Variants in WASHC4 observed in about 807,000 individuals in gnomAD.
WASHC4 encodes WASH complex subunit 7.
In WASHC4, 86 loss-of-function variants were observed where a neutral mutation model predicts 166.6. The ratio of observed to expected loss-of-function variants is 0.52; its 90% CI spans 0.43 to 0.62. WASHC4 has a LOEUF of 0.62. Ranked by LOEUF, WASHC4 falls within the 20% of genes least tolerant of loss-of-function variation. The probability of loss-of-function intolerance (pLI) is 0.00; values close to 1 mark genes in which losing one functional copy is unlikely to be tolerated. For synonymous variants in WASHC4, 446 were observed against 451.6 expected (o/e 0.99, Z 0.16); for missense variants, 1,262 against 1,382.4 (o/e 0.91, Z 1.38).
At chr12:105,120,627 C>T in intron 8 of WASHC4, 30 bp downstream of exon 8, 1 of 1,493,706 alleles carries the variant, frequency 6.7e-7, no homozygotes, top group South Asian at 1.1e-5. Flanking sequence ...ACCTGTAAAA[C>T]TGTAATTATT....
At chr12:105,157,898 T>A (rs1884274257) in intron 28 of WASHC4, among the ~76,000 whole-genome samples, 1 of 152,174 alleles carries the variant, frequency 6.6e-6, no homozygotes, top group Non-Finnish European at 1.5e-5. Flanking sequence ...AGTTGTGCAT[T>A]TGTCCCATAA....
At chr12:105,134,026 G>C in intron 14 of WASHC4, 130 bp downstream of exon 14, 1 of 793,724 alleles carries the variant, frequency 1.3e-6, no homozygotes, top group Non-Finnish European at 2.0e-6. Flanking sequence ...GTTATGTTGG[G>C]ATCTGTGTGA....
rs1883304428 is a variant in WASHC4, at chr12:105,146,453, G to T, written c.2336G>T (p.Gly779Val). ...ACTTGTATGTGTATTATGTTGTAGGGCCTTGATGTTTTAGAAATTATGAGA... is the reference window on the plus strand; with the variant it reads ...ACTTGTATGTGTATTATGTTGTAGGTCCTTGATGTTTTAGAAATTATGAGA... ...AHLPSQTLEQ[G>V]LDVLEIMRNI... The change falls in exon 23 of 33, where the codon GGC (glycine) becomes GTC (valine). Residue 779 changes from glycine (G) to valine (V), a missense_variant and splice_region_variant. By Grantham distance (109) the Gly-to-Val change is moderately radical (BLOSUM62 -3). Transcript: ENST00000332180. 3.2e-6 allele frequency: 5 copies of T among 1,554,324 alleles called. No individual in the cohort carries two copies. The highest frequency in any genetic ancestry group is 1.7e-4 in the Middle Eastern group (1 of 5,938).
intron 32 of WASHC4, among the ~76,000 whole-genome samples, chr12:105,166,366 A>T (rs1884805330): frequency 3.3e-5 from 5 of 152,170 alleles, no homozygotes; most frequent in Admixed American, 3.3e-4. Context: ...AATTATTTTA[A>T]GAAATAATAT....
intron 25 of WASHC4, among the ~76,000 whole-genome samples, chr12:105,151,070 A>G (rs548308840): frequency 7.0e-6 from 1 of 143,134 alleles, no homozygotes; most frequent in South Asian, 2.4e-4. Context: ...ACTTGAACCT[A>G]GGAGGTGGAG....
chr12:105,133,683 C>A, intron 13 of WASHC4, 87 bp from the exon 14 acceptor site: 1 of 1,097,626 alleles, frequency 9.1e-7, no homozygotes, highest in Non-Finnish European at 1.4e-6. Flanking sequence ...GAAATGACTG[C>A]TGCAGGGAAA....
rs1879959566 is a variant in WASHC4 at position 105,114,233 on chromosome 12, G to A, written c.219G>A (p.Gln73=). 1 of 1,610,356 alleles carries A rather than the reference G, an allele frequency of 6.2e-7. No homozygotes were observed. The highest frequency in any genetic ancestry group is 8.5e-7 in the Non-Finnish European group (1 of 1,177,766). Residue 73 remains glutamine (Q), a synonymous_variant, in exon 3 of 33, where the codon CAG becomes CAA. Coordinates refer to ENST00000332180, the MANE Select transcript of WASHC4 (RefSeq NM_015275.3). ...PIALKLLPYE[Q]SSLLELIKTE... ...TTCTGTAGCTTTTGCCTTATGAACA[G>A]TCCTCTCTTTTGGAACTCATAAAGA...
At chr12:105,126,207 G>T in intron 11 of WASHC4, 28 bp from the exon 12 acceptor site, 2 of 1,612,404 alleles carry the variant, frequency 1.2e-6, no homozygotes, top group Non-Finnish European at 1.7e-6. Context: ...TATTTGTTCT[G>T]CTTTCTCTTA....
At chr12:105,109,063 C>G (rs1211277) in intron 1 of WASHC4, among the ~76,000 whole-genome samples, 133,758 of 152,248 alleles carry the variant, frequency 0.88, 59,043 homozygotes, top group East Asian at 1. Context: ...TTGAACCCGG[C>G]AGGCGGAGGT....
At chr12:105,128,611 C>T (rs996561145) in intron 13 of WASHC4, among the ~76,000 whole-genome samples, 2 of 152,134 alleles carry the variant, frequency 1.3e-5, no homozygotes, top group Admixed American at 6.5e-5. Flanking sequence ...TGGAAATGCT[C>T]ATTGGAGCAT....
chr12:105,112,100 T>C (rs1879733487), intron 2 of WASHC4, among the ~76,000 whole-genome samples: 2 of 152,172 alleles, frequency 1.3e-5, no homozygotes, highest in South Asian at 4.1e-4. Flanking sequence ...AATCTACTTT[T>C]TATCTCTATG....
At chr12:105,111,291 T>G in intron 2 of WASHC4, 27 bp downstream of exon 2, 1 of 1,474,132 alleles carries the variant, frequency 6.8e-7, no homozygotes, top group Non-Finnish European at 9.4e-7. Flanking sequence ...TAAAAATATA[T>G]GTATATATTT....
At position 105,159,915 on chromosome 12, in the gene WASHC4, G is replaced by A. The variant is rs1884389590; in HGVS notation, c.2913-86G>A. ...TTACAGTGTTTCCTGCTTTTCAAGTGTTCTTATCTAAACTATTGAGAGATG... is the reference window on the plus strand; with the variant it reads ...TTACAGTGTTTCCTGCTTTTCAAGTATTCTTATCTAAACTATTGAGAGATG... On this transcript the variant is annotated intron_variant, in intron 28 of 32. Transcript: ENST00000332180. 9 of 1,232,210 alleles carry A rather than the reference G, an allele frequency of 7.3e-6. No individual in the cohort carries two copies. In the South Asian group the frequency reaches 9.9e-5, roughly 13 times the overall value. The allele number at this position is 1,232,210 out of a possible 1,614,324, so 76.3% of individuals were successfully genotyped here.
rs1338836767 is a variant in WASHC4, at chr12:105,141,154, CT to C, written c.1708-12del. 3.7e-6 allele frequency: 6 copies of C among 1,611,948 alleles called. No individual in the cohort carries two copies. Among genetic ancestry groups the C allele is most frequent in the Non-Finnish European group, 5.1e-6 (6 of 1,178,226 alleles). The stretch of plus-strand genomic sequence containing the variant: ...ACTGCAACTTCTCTGCCTTTTTTTC[CT>C]GTCCCTGATAGAAAACATTTAAAGA... On this transcript the variant is annotated splice_polypyrimidine_tract_variant and intron_variant, in intron 17 of 32. Transcript: ENST00000332180.
intron 13 of WASHC4, among the ~76,000 whole-genome samples, chr12:105,129,168 A>T (rs1881564278): frequency 6.6e-6 from 1 of 151,716 alleles, no homozygotes; most frequent in African/African-American, 2.4e-5. Flanking sequence ...CTGGTCTCGA[A>T]CTCCTGACCT....
At chr12:105,154,629 A>G (rs890678616) in intron 26 of WASHC4, among the ~76,000 whole-genome samples, 1 of 152,194 alleles carries the variant, frequency 6.6e-6, no homozygotes, top group African/African-American at 2.4e-5. Flanking sequence ...TGCTGATGAT[A>G]TTTATGACAG....
intron 1 of WASHC4, among the ~76,000 whole-genome samples, chr12:105,109,230 T>G (rs1264217376): frequency 6.6e-6 from 1 of 152,182 alleles, no homozygotes; most frequent in African/African-American, 2.4e-5. Context: ...GAACTGTACC[T>G]TGTCATATAT....
At chr12:105,157,025 G>C (rs1446737937) in intron 27 of WASHC4, among the ~76,000 whole-genome samples, 1 of 152,142 alleles carries the variant, frequency 6.6e-6, no homozygotes, top group African/African-American at 2.4e-5. Flanking sequence ...ATGAATGCAT[G>C]TAAAGATTAC....
At chr12:105,161,157 CA>C (rs747206903) in intron 29 of WASHC4, among the ~76,000 whole-genome samples, 10 of 152,084 alleles carry the variant, frequency 6.6e-5, no homozygotes, top group African/African-American at 2.4e-5. Flanking sequence ...TAATTTTGAT[CA>C]AGAATAGTGA....
Sources: allele counts gnomAD v4.1 joint callset (sites outside exome capture counted in the v4.1 genomes callset), GRCh38; gene constraint gnomAD v4.1.1; transcripts MANE v1.5; gene names NCBI Gene and HGNC (gene_info 2026-07-23, HGNC 2026-07-21).